The following DGKB variants were observed in gnomAD, a reference collection of about 807,000 sequenced individuals.
The protein encoded by DGKB is diacylglycerol kinase beta.
In DGKB, 67 loss-of-function variants were observed where a neutral mutation model predicts 114.3. That is an observed-to-expected ratio of 0.59 (90% CI 0.48 to 0.72). The LOEUF (loss-of-function observed/expected upper bound fraction) is 0.72. Ranked by LOEUF, DGKB falls within the 30% of genes least tolerant of loss-of-function variation. The probability of loss-of-function intolerance (pLI) is 0.00; values close to 1 mark genes in which losing one functional copy is unlikely to be tolerated. For missense variants in DGKB, 907 were observed against 975.2 expected, an observed-to-expected ratio of 0.93 and a Z score of 0.93; for synonymous variants, 398 against 323.1, an observed-to-expected ratio of 1.23 and a Z score of -2.49.
At position 14,508,578 on chromosome 7, in the gene DGKB, A is replaced by G. The variant is rs902565486; in HGVS notation, c.1771-30353T>C. ...GGATGAAGTTTAATCATTGCAGTAAATGCTCCTTAGCAACTACTGTAAAAG... is the reference window on the plus strand; with the variant it reads ...GGATGAAGTTTAATCATTGCAGTAAGTGCTCCTTAGCAACTACTGTAAAAG... On this transcript the variant is annotated intron_variant, in intron 20 of 25. Transcript: ENST00000402815. 2.0e-5 allele frequency among the ~76,000 whole-genome samples: 3 copies of G among 152,274 alleles called. No individual in the cohort carries two copies. The East Asian group carries it at 5.8e-4, about 29-fold the overall frequency.
chr7:14,687,626 T>G (rs148907207), intron 9 of DGKB, among the ~76,000 whole-genome samples: 1 of 152,314 alleles, frequency 6.6e-6, no homozygotes, highest in African/African-American at 2.4e-5. Context: ...ATGGGGTTGT[T>G]AATTTTTAAA....
intron 17 of DGKB, among the ~76,000 whole-genome samples, chr7:14,589,740 C>A (rs1009294861): frequency 3.4e-4 from 52 of 151,986 alleles, no homozygotes; most frequent in Non-Finnish European, 1.2e-4. Context: ...TCCTTTCAGG[C>A]ACCCAAATTG....
At chr7:14,690,031 G>C (rs1822545561) in intron 9 of DGKB, among the ~76,000 whole-genome samples, 1 of 152,102 alleles carries the variant, frequency 6.6e-6, no homozygotes, top group Admixed American at 6.5e-5. Context: ...GCTAGATGTG[G>C]GTACAACAAT....
At chr7:14,792,724 CT>C (rs1562547765) in intron 2 of DGKB, among the ~76,000 whole-genome samples, 1 of 132,110 alleles carries the variant, frequency 7.6e-6, no homozygotes, top group Non-Finnish European at 1.6e-5. Flanking sequence ...TACACTTCAT[CT>C]TTTTGCATAA....
At position 14,443,790 on chromosome 7, in the gene DGKB, T is replaced by G. The variant is rs184097479; in HGVS notation, c.1835+34371A>C. 4.6e-5 allele frequency among the ~76,000 whole-genome samples: 7 copies of G among 152,164 alleles called. No homozygotes were observed. In the East Asian group the frequency reaches 1.4e-3, roughly 29 times the overall value. On this transcript the variant is annotated intron_variant, in intron 21 of 25. Transcript: ENST00000402815. ...GTTTTTGAGGTGGTGTGATTCTGCA[T>G]AGGATTTATTATGATCCCTGGATTC...
At chr7:14,478,423 TTTAC>T (rs1243769310) in intron 20 of DGKB, among the ~76,000 whole-genome samples, 198 bp from the exon 21 acceptor site, 1 of 152,194 alleles carries the variant, frequency 6.6e-6, no homozygotes, top group African/African-American at 2.4e-5. Context: ...GCAGAAGTGA[TTTAC>T]GTAATAATTT....
At chr7:14,859,314 G>C (rs559720364) in intron 1 of DGKB, among the ~76,000 whole-genome samples, 1 of 152,238 alleles carries the variant, frequency 6.6e-6, no homozygotes, top group African/African-American at 2.4e-5. Flanking sequence ...AAAGTCTGAG[G>C]CTCCTTTGTC....
chr7:14,530,431 A>G (rs1281569067), intron 20 of DGKB, among the ~76,000 whole-genome samples: 2 of 151,508 alleles, frequency 1.3e-5, no homozygotes, highest in East Asian at 3.9e-4. Context: ...CCTGTATGGA[A>G]GTATGATTGA....
chr7:14,753,833 A>C, intron 4 of DGKB, 95 bp downstream of exon 4: 2 of 819,654 alleles, frequency 2.4e-6, no homozygotes, highest in African/African-American at 1.7e-5. Context: ...ATATTGGTAC[A>C]GAAGTATAGT....
At chr7:14,404,738 C>T (rs537753119) in intron 21 of DGKB, among the ~76,000 whole-genome samples, 5 of 151,916 alleles carry the variant, frequency 3.3e-5, no homozygotes, top group African/African-American at 1.2e-4. Context: ...TTCTTTTCTG[C>T]TCTGCTTGTC....
chr7:14,446,703 C>G (rs1393302969), intron 21 of DGKB, among the ~76,000 whole-genome samples: 1 of 152,110 alleles, frequency 6.6e-6, no homozygotes, highest in Non-Finnish European at 1.5e-5. Context: ...GTTTAAAGTA[C>G]CTGGTACAGG....
chr7:14,802,918 T>C lies in DGKB; in HGVS notation c.70+38276A>G, dbSNP rs192624592. ...ATATTTACATAAATGGTTATAAAAG[T>C]TTTCAAAAACTTATCTCACTCATAC... is the stretch of plus-strand genomic sequence containing the variant. On this transcript the variant is annotated intron_variant, in intron 2 of 25. Transcript: ENST00000402815. 2.3e-3 allele frequency among the ~76,000 whole-genome samples: 349 copies of C among 152,058 alleles called. 1 individual carries two copies. The highest frequency in any genetic ancestry group is 8.0e-3 in the African/African-American group (333 of 41,458).
intron 1 of DGKB, among the ~76,000 whole-genome samples, chr7:14,877,675 C>T (rs1400574457): frequency 1.3e-5 from 2 of 152,172 alleles, no homozygotes; most frequent in Non-Finnish European, 2.9e-5. Flanking sequence ...CTTATAACCT[C>T]TGTTTTCAAA....
At chr7:14,549,716 T>C (rs1289754127) in intron 20 of DGKB, among the ~76,000 whole-genome samples, 4 of 152,160 alleles carry the variant, frequency 2.6e-5, no homozygotes, top group Non-Finnish European at 5.9e-5. Context: ...TGGCTGGACA[T>C]GGTGGCTCAC....
chr7:14,625,778 C>A (rs1015251957), intron 14 of DGKB, among the ~76,000 whole-genome samples: 1 of 151,512 alleles, frequency 6.6e-6, no homozygotes, highest in Non-Finnish European at 1.5e-5. Context: ...AAGAGCTACT[C>A]TAACTAAAAA....
Position 14,220,670 on chromosome 7 carries a change from A to T in DGKB, c.2123-42519T>A, listed in dbSNP as rs191283940. Among the ~76,000 whole-genome samples, 42 of 151,636 alleles carry T rather than the reference A, an allele frequency of 2.8e-4. 1 individual carries two copies. The East Asian group carries it at 8.2e-3, about 29-fold the overall frequency. On this transcript the variant is annotated intron_variant, in intron 23 of 25. Coordinates refer to ENST00000402815, the MANE Select transcript of DGKB (RefSeq NM_001350709.2). ...GATTTCTGTAAAGAAGCCAGCTAGG[A>T]TTCTGATAGTGATTGCATTGAATCT...
At chr7:14,817,847 A>G (rs1056708799) in intron 2 of DGKB, among the ~76,000 whole-genome samples, 7 of 152,134 alleles carry the variant, frequency 4.6e-5, no homozygotes, top group African/African-American at 1.7e-4. Context: ...AATGCTTCCT[A>G]TTGAAACATA....
At chr7:14,382,767 A>T (rs1380493719) in intron 21 of DGKB, among the ~76,000 whole-genome samples, 1 of 152,172 alleles carries the variant, frequency 6.6e-6, no homozygotes, top group Non-Finnish European at 1.5e-5. Flanking sequence ...GAAATAACAG[A>T]GAGTGCTTGA....
intron 1 of DGKB, among the ~76,000 whole-genome samples, chr7:14,919,068 A>G (rs937591328): frequency 1.3e-4 from 16 of 119,002 alleles, no homozygotes; most frequent in Middle Eastern, 4.2e-3. Flanking sequence ...ACACGCACAC[A>G]CACACACACA....
Sources: gnomAD v4.1 joint callset for allele counts (sites outside exome capture counted in the v4.1 genomes callset) on GRCh38, gnomAD v4.1.1 for gene constraint, MANE v1.5 for transcripts, NCBI Gene and HGNC (gene_info 2026-07-23, HGNC 2026-07-21) for gene names.